Variants in TEK observed in about 807,000 individuals in gnomAD.
TEK encodes the protein TEK receptor tyrosine kinase, also known as angiopoietin-1 receptor.
A neutral mutation model predicts 131.8 loss-of-function variants in TEK; 43 were observed. The ratio of observed to expected loss-of-function variants is 0.33; its 90% CI spans 0.26 to 0.42. The LOEUF is 0.42. Among genes scored for constraint, TEK ranks in the 10% least tolerant of loss-of-function variants. The pLI is 1.00. For synonymous variants in TEK, 580 were observed against 491.6 expected (o/e 1.18, Z -2.38); for missense variants, 1,162 against 1,384.4 (o/e 0.84, Z 2.55).
chr9:27,214,167 C>T (rs866303874), intron 18 of TEK, among the ~76,000 whole-genome samples: 7 of 152,192 alleles, frequency 4.6e-5, no homozygotes, highest in African/African-American at 1.4e-4. Context: ...GAGAACCTAA[C>T]CATACAGTCT....
intron 1 of TEK, among the ~76,000 whole-genome samples, chr9:27,126,983 G>C (rs1285805552): frequency 1.3e-5 from 2 of 151,980 alleles, no homozygotes; most frequent in African/African-American, 2.4e-5. Flanking sequence ...AACTTTTTTT[G>C]TTTTATTATA....
At chr9:27,168,657 C>A in intron 3 of TEK, 52 bp downstream of exon 3, 2 of 1,260,670 alleles carry the variant, frequency 1.6e-6, no homozygotes, top group Non-Finnish European at 2.3e-6. Flanking sequence ...TATCAGATAA[C>A]ATACAACATA....
chr9:27,179,096 G>A (rs543105766), intron 6 of TEK, among the ~76,000 whole-genome samples: 2 of 152,182 alleles, frequency 1.3e-5, no homozygotes, highest in African/African-American at 4.8e-5. Flanking sequence ...TGTGTTAGAT[G>A]TTTTGTCTCT....
At chr9:27,169,117 C>T (rs1022099271) in intron 3 of TEK, among the ~76,000 whole-genome samples, 1 of 152,070 alleles carries the variant, frequency 6.6e-6, no homozygotes, top group Non-Finnish European at 1.5e-5. Flanking sequence ...ATTGGAGTAG[C>T]GATTATAGAT....
intron 2 of TEK, among the ~76,000 whole-genome samples, 154 bp downstream of exon 2, chr9:27,158,296 G>C (rs1823417601): frequency 6.6e-6 from 1 of 152,044 alleles, no homozygotes; most frequent in African/African-American, 2.4e-5. Flanking sequence ...ACCGTGTCTG[G>C]TACATGGAAT....
intron 11 of TEK, among the ~76,000 whole-genome samples, chr9:27,195,344 A>C (rs1450544058): frequency 6.6e-6 from 1 of 152,086 alleles, no homozygotes; most frequent in African/African-American, 2.4e-5. Flanking sequence ...GTGTTTCTCA[A>C]CCTTTAAAAA....
At chr9:27,188,126 T>C (rs1824667735) in intron 9 of TEK, among the ~76,000 whole-genome samples, 1 of 152,190 alleles carries the variant, frequency 6.6e-6, no homozygotes. Context: ...TATGATTCCA[T>C]TTATATAAAG....
chr9:27,146,520 T>C (rs1455730270), intron 1 of TEK, among the ~76,000 whole-genome samples: 1 of 152,146 alleles, frequency 6.6e-6, no homozygotes. Context: ...ATAAATGCAG[T>C]CGGACAGTAG....
At position 27,209,161 on chromosome 9, in the gene TEK, A is replaced by G. The variant is rs772036047; in HGVS notation, c.2616A>G (p.Glu872=). 3.7e-6 allele frequency: 6 copies of G among 1,614,072 alleles called. No individual in the cohort carries two copies. The highest frequency in any genetic ancestry group is 1.7e-5 in the Admixed American group (1 of 60,008). ...SKDDHRDFAG[E]LEVLCKLGHH... ...ATGATCACAGGGACTTTGCAGGAGA[A>G]CTGGAAGTTCTTTGTAAACTTGGAC... Residue 872 remains glutamate (E), a synonymous_variant, in exon 16 of 23, where the codon GAA becomes GAG. Transcript: ENST00000380036.
chr9:27,210,140 G>T (rs1201355159), intron 16 of TEK, among the ~76,000 whole-genome samples: 1 of 152,140 alleles, frequency 6.6e-6, no homozygotes, highest in Non-Finnish European at 1.5e-5. Flanking sequence ...TCCAATAAGG[G>T]TGTAATTCTG....
chr9:27,174,625 G>C (rs1490215622), intron 6 of TEK, among the ~76,000 whole-genome samples: 1 of 152,124 alleles, frequency 6.6e-6, no homozygotes, highest in Non-Finnish European at 1.5e-5. Context: ...CATAGCTCCA[G>C]GGGCTTGGAG....
chr9:27,221,773 C>T (rs1305294513), intron 21 of TEK, among the ~76,000 whole-genome samples: 26 of 152,138 alleles, frequency 1.7e-4, no homozygotes, highest in Admixed American at 1.7e-3. Flanking sequence ...GATAAATCCA[C>T]GAAGATGGAG....
chr9:27,174,331 A>G (rs899700014), intron 6 of TEK, among the ~76,000 whole-genome samples: 3 of 152,294 alleles, frequency 2.0e-5, no homozygotes, highest in African/African-American at 7.2e-5. Flanking sequence ...CTTGATAACA[A>G]TGCTCCAGGG....
chr9:27,177,118 AT>A, intron 6 of TEK, among the ~76,000 whole-genome samples: 1 of 152,244 alleles, frequency 6.6e-6, no homozygotes. Flanking sequence ...TCAAGTCCAT[AT>A]TTTGGCTACT....
intron 18 of TEK, among the ~76,000 whole-genome samples, chr9:27,216,244 AACAG>A (rs1382940522): frequency 3.9e-5 from 6 of 152,190 alleles, no homozygotes; most frequent in Non-Finnish European, 7.4e-5. Flanking sequence ...CAGGGTAGAG[AACAG>A]ACAATTAGGG....
At chr9:27,205,114 G>A (rs1160486270) in intron 14 of TEK, 49 bp downstream of exon 14, 4 of 1,609,918 alleles carry the variant, frequency 2.5e-6, no homozygotes, top group East Asian at 2.2e-5. Context: ...CCAAGTACAG[G>A]CAGAACCTTC....
chr9:27,169,563 G>A lies in TEK; in HGVS notation c.562G>A (p.Val188Met). Residue 188 changes from valine to methionine, a missense_variant, in exon 4 of 23, where the codon GTG becomes ATG. Around this residue, in one of 6 missense-constraint regions of TEK, gnomAD observed 436 missense variants for 539.1 expected, o/e 0.81. Coordinates refer to ENST00000380036, the MANE Select transcript of TEK (RefSeq NM_000459.5). ...TCATGCTCAGCCCCAGGATGCTGGA[G>A]TGTACTCGGCCAGGTATATAGGAGG... ...LPHAQPQDAG[V>M]YSARYIGGNL... 4 of 1,614,208 alleles carry A rather than the reference G, an allele frequency of 2.5e-6. No individual in the cohort carries two copies. Among genetic ancestry groups the A allele is most frequent in the Non-Finnish European group, 3.4e-6 (4 of 1,180,010 alleles).
At chr9:27,154,908 GATACATACCTAGAAATAATTT>G (rs1250962422) in intron 1 of TEK, among the ~76,000 whole-genome samples, 2 of 152,194 alleles carry the variant, frequency 1.3e-5, no homozygotes, top group Admixed American at 1.3e-4. Context: ...AAAGAAACTA[GATACATACCTAGAAATAATTT>G]ATACATAGCT....
intron 7 of TEK, among the ~76,000 whole-genome samples, chr9:27,182,423 A>G (rs1824414830): frequency 6.6e-6 from 1 of 152,216 alleles, no homozygotes; most frequent in Non-Finnish European, 1.5e-5. Flanking sequence ...CGTTTTCCAT[A>G]ATCTTTCCAA....
Sources: allele counts gnomAD v4.1 joint callset (sites outside exome capture counted in the v4.1 genomes callset), GRCh38; gene constraint gnomAD v4.1.1; regional missense constraint gnomAD v4.1.1; transcripts MANE v1.5; gene names NCBI Gene and HGNC (gene_info 2026-07-23, HGNC 2026-07-21).